NSG2: variants seen among roughly 807,000 people sequenced by gnomAD.
NSG2 encodes neuronal vesicle trafficking associated 2.
In NSG2, 4 loss-of-function variants were observed where a neutral mutation model predicts 16.9. The observed-to-expected ratio is 0.24, with a 90% confidence interval of 0.12 to 0.54. The LOEUF (loss-of-function observed/expected upper bound fraction) is 0.54. Ranked by LOEUF, NSG2 falls within the 20% of genes least tolerant of loss-of-function variation. The probability of loss-of-function intolerance (pLI) is 0.95; values close to 1 mark genes in which losing one functional copy is unlikely to be tolerated. For missense variants in NSG2, 179 were observed against 221.1 expected (o/e 0.81, Z 1.21); for synonymous variants, 98 against 88.7 (o/e 1.11, Z -0.59).
At chr5:174,087,125 G>A (rs897670654) in intron 3 of NSG2, among the ~76,000 whole-genome samples, 2 of 152,166 alleles carry the variant, frequency 1.3e-5, no homozygotes, top group Non-Finnish European at 2.9e-5. Context: ...ACTTTCAAAA[G>A]GCAATTTACT....
chr5:174,088,110 T>C (rs940131039), intron 3 of NSG2, among the ~76,000 whole-genome samples: 7 of 152,228 alleles, frequency 4.6e-5, no homozygotes, highest in African/African-American at 7.2e-5. Context: ...TATATTGACT[T>C]AGATGCCATT....
At chr5:174,063,779 A>T (rs1760095343) in intron 2 of NSG2, among the ~76,000 whole-genome samples, 1 of 152,158 alleles carries the variant, frequency 6.6e-6, no homozygotes, top group African/African-American at 2.4e-5. Flanking sequence ...CTAAACGTGT[A>T]ACAATTAAAG....
intron 3 of NSG2, among the ~76,000 whole-genome samples, chr5:174,086,718 C>T (rs76362767): frequency 0.026 from 4,005 of 152,320 alleles, 169 homozygotes; most frequent in African/African-American, 0.091. Flanking sequence ...CTCAGCTTCT[C>T]CATCCTGTAA....
chr5:174,073,607 G>T (rs569139353), intron 3 of NSG2, among the ~76,000 whole-genome samples: 1 of 152,272 alleles, frequency 6.6e-6, no homozygotes, highest in South Asian at 2.1e-4. Flanking sequence ...CTATTAGAAT[G>T]ACCTTCAAAA....
intron 2 of NSG2, 43 bp downstream of exon 2, chr5:174,046,927 C>A: frequency 1.9e-6 from 3 of 1,599,750 alleles, no homozygotes; most frequent in Non-Finnish European, 2.6e-6. Context: ...CAGGCTCCCC[C>A]CATCTCAGGA....
intron 3 of NSG2, among the ~76,000 whole-genome samples, chr5:174,087,507 T>C (rs887593442): frequency 6.6e-6 from 1 of 152,124 alleles, no homozygotes; most frequent in South Asian, 2.1e-4. Flanking sequence ...AGGCTGAGCA[T>C]TGTGGCTCAT....
intron 3 of NSG2, among the ~76,000 whole-genome samples, chr5:174,102,754 TTTTA>T (rs1176455020): frequency 0.091 from 8,223 of 90,648 alleles, 279 homozygotes; most frequent in Non-Finnish European, 0.11. Context: ...GCTTTGTTTT[TTTTA>T]TTTATTTATT....
rs935978901 is a variant in NSG2, at chr5:174,072,949, A to T, written c.213+8634A>T. Among the ~76,000 whole-genome samples the T allele has an allele frequency of 1.3e-5, 2 of 152,192 alleles. No homozygotes were observed. Among genetic ancestry groups the T allele is most frequent in the African/African-American group, 4.8e-5 (2 of 41,448 alleles). On this transcript the variant is annotated intron_variant, in intron 3 of 4. Transcript: ENST00000303177. The surrounding 1 kb of genome is among the most constrained non-coding windows in gnomAD (Gnocchi z 4.0). ...GCAGTGAGCCGGATTGTGCCACTGCACTCCAACCTGGGTAACAGAGTGAGA... is the reference window on the plus strand; with the variant it reads ...GCAGTGAGCCGGATTGTGCCACTGCTCTCCAACCTGGGTAACAGAGTGAGA...
chr5:174,081,351 T>C (rs915029242), intron 3 of NSG2, among the ~76,000 whole-genome samples: 16 of 152,228 alleles, frequency 1.1e-4, no homozygotes, highest in African/African-American at 3.9e-4. Flanking sequence ...TTTTGATGTT[T>C]TTTTCCCCCC....
chr5:174,106,273 A>T (rs1253790441), intron 4 of NSG2, among the ~76,000 whole-genome samples: 2 of 152,234 alleles, frequency 1.3e-5, no homozygotes. Context: ...GACATATTTA[A>T]AAATAAATAC....
At chr5:174,070,586 A>G (rs1417215636) in intron 3 of NSG2, among the ~76,000 whole-genome samples, 1 of 151,994 alleles carries the variant, frequency 6.6e-6, no homozygotes, top group Non-Finnish European at 1.5e-5. Context: ...TTGCTGGGAG[A>G]TACAAAAATG....
At chr5:174,075,821 CT>C (rs1760332107) in intron 3 of NSG2, among the ~76,000 whole-genome samples, 1 of 152,212 alleles carries the variant, frequency 6.6e-6, no homozygotes. Flanking sequence ...GTATGTGCAG[CT>C]TTTCATGTTG....
At chr5:174,093,646 G>A (rs761745311) in intron 3 of NSG2, among the ~76,000 whole-genome samples, 13 of 152,200 alleles carry the variant, frequency 8.5e-5, no homozygotes, top group Admixed American at 1.3e-4. Flanking sequence ...CAGGAACAAG[G>A]TGCCGGGAGG....
chr5:174,080,709 G>A (rs899543000), intron 3 of NSG2, among the ~76,000 whole-genome samples: 7 of 151,926 alleles, frequency 4.6e-5, no homozygotes, highest in African/African-American at 1.2e-4. Context: ...TTACAGGCAC[G>A]TGCCACTACA....
intron 2 of NSG2, among the ~76,000 whole-genome samples, chr5:174,052,200 G>T (rs1421436003): frequency 6.6e-6 from 1 of 152,154 alleles, no homozygotes; most frequent in East Asian, 1.9e-4. Context: ...GTTGCCTGAA[G>T]CACCCCCGAT....
intron 3 of NSG2, among the ~76,000 whole-genome samples, chr5:174,067,253 A>G (rs1050453258): frequency 2.0e-5 from 3 of 152,108 alleles, no homozygotes; most frequent in African/African-American, 4.8e-5. Context: ...TTTCATATCT[A>G]TGTGAGAGAT....
chr5:174,061,887 G>A (rs1455720588), intron 2 of NSG2, among the ~76,000 whole-genome samples: 1 of 150,236 alleles, frequency 6.7e-6, no homozygotes, highest in African/African-American at 2.5e-5. Context: ...ACAGGCGGGA[G>A]CCACTGTGCC....
chr5:174,060,501 C>T (rs558873598), intron 2 of NSG2, among the ~76,000 whole-genome samples: 46 of 152,170 alleles, frequency 3.0e-4, no homozygotes, highest in African/African-American at 9.2e-4. Context: ...TGGAAATAGA[C>T]TTGGCAATGT....
chr5:174,051,521 C>T (rs1270064125), intron 2 of NSG2, among the ~76,000 whole-genome samples: 1 of 152,134 alleles, frequency 6.6e-6, no homozygotes, highest in Non-Finnish European at 1.5e-5. Flanking sequence ...ATTCATTCGT[C>T]GTCCATCTAT....
Sources: allele counts gnomAD v4.1 joint callset (sites outside exome capture counted in the v4.1 genomes callset), GRCh38; gene constraint gnomAD v4.1.1; non-coding constraint Gnocchi (gnomAD v3.1); transcripts MANE v1.5; gene names NCBI Gene and HGNC (gene_info 2026-07-23, HGNC 2026-07-21).